The following FAM3C variants were observed in gnomAD, a reference collection of about 807,000 sequenced individuals.
FAM3C encodes the protein protein FAM3C.
In FAM3C, 15 loss-of-function variants were observed where a neutral mutation model predicts 32.5. That is an observed-to-expected ratio of 0.46 (90% CI 0.31 to 0.71). The LOEUF (loss-of-function observed/expected upper bound fraction) is 0.71. Among genes scored for constraint, FAM3C ranks in the 30% least tolerant of loss-of-function variants. The pLI is 0.05. For missense variants in FAM3C, 175 were observed against 274.4 expected (o/e 0.64, Z 2.56); for synonymous variants, 75 against 86.1 (o/e 0.87, Z 0.72).
intron 2 of FAM3C, among the ~76,000 whole-genome samples, chr7:121,382,676 C>T (rs781304280): frequency 2.7e-5 from 4 of 150,324 alleles, no homozygotes; most frequent in Non-Finnish European, 4.4e-5. Context: ...TGTGTTGCTG[C>T]TCATAAAGTT....
chr7:121,388,059 G>A (rs1182909286), intron 1 of FAM3C, among the ~76,000 whole-genome samples: 2 of 152,196 alleles, frequency 1.3e-5, no homozygotes, highest in African/African-American at 2.4e-5. Context: ...TAAAAACTCA[G>A]TAGGATATCT....
chr7:121,351,556 A>T, intron 8 of FAM3C: 1 of 295,586 alleles, frequency 3.4e-6, no homozygotes, highest in Non-Finnish European at 6.3e-6. Context: ...ACACTCATCA[A>T]ATAAATAAGG....
chr7:121,378,708 T>C (rs1034832459), intron 3 of FAM3C, among the ~76,000 whole-genome samples: 5 of 111,834 alleles, frequency 4.5e-5, no homozygotes, highest in Non-Finnish European at 7.6e-5. Context: ...GTTCAAAATG[T>C]TGAATAGAAG....
At chr7:121,393,825 T>C (rs1037557973) in intron 1 of FAM3C, among the ~76,000 whole-genome samples, 4 of 152,240 alleles carry the variant, frequency 2.6e-5, no homozygotes, top group African/African-American at 9.6e-5. Flanking sequence ...TTAAGTAATT[T>C]AGTCAATGCC....
chr7:121,377,465 T>A (rs1465651312), intron 3 of FAM3C, among the ~76,000 whole-genome samples: 1 of 152,206 alleles, frequency 6.6e-6, no homozygotes, highest in East Asian at 1.9e-4. Flanking sequence ...GACCAAAATA[T>A]GGTTTCTAGG....
At chr7:121,367,373 C>A (rs1392425828) in intron 5 of FAM3C, among the ~76,000 whole-genome samples, 1 of 152,174 alleles carries the variant, frequency 6.6e-6, no homozygotes, top group African/African-American at 2.4e-5. Flanking sequence ...ATCCTGCCAA[C>A]TGGTTTTTTG....
intron 1 of FAM3C, among the ~76,000 whole-genome samples, chr7:121,394,640 T>C (rs967712312): frequency 5.3e-5 from 8 of 152,228 alleles, no homozygotes; most frequent in South Asian, 2.1e-4. Context: ...CTAGTCTTTA[T>C]TGAGTTGAGA....
At chr7:121,358,944 A>C (rs1487154955) in intron 8 of FAM3C, among the ~76,000 whole-genome samples, 3 of 151,868 alleles carry the variant, frequency 2.0e-5, no homozygotes, top group African/African-American at 7.2e-5. Context: ...AGATAGGCCA[A>C]CTCGAATGGT....
intron 1 of FAM3C, among the ~76,000 whole-genome samples, chr7:121,389,882 A>G (rs1318160212): frequency 6.6e-6 from 1 of 152,162 alleles, no homozygotes; most frequent in Non-Finnish European, 1.5e-5. Flanking sequence ...TTCTGAACTG[A>G]GCCAGCAACA....
At chr7:121,360,265 A>C (rs1263707527) in intron 7 of FAM3C, 138 bp from the exon 8 acceptor site, 1 of 577,812 alleles carries the variant, frequency 1.7e-6, no homozygotes, top group Non-Finnish European at 3.1e-6. Flanking sequence ...AAGACAGACA[A>C]ATCTCATAAA....
chr7:121,384,950 GA>G (rs1402041460), intron 1 of FAM3C, among the ~76,000 whole-genome samples: 1 of 152,092 alleles, frequency 6.6e-6, no homozygotes, highest in African/African-American at 2.4e-5. Flanking sequence ...TGTCTTCTTA[GA>G]GGGGGCATGT....
Position 121,362,889 on chromosome 7 carries a change from A to G in FAM3C, c.382+8T>C, listed in dbSNP as rs1329929799. On this transcript the variant is annotated splice_region_variant and intron_variant, in intron 7 of 9. Coordinates refer to ENST00000359943, the MANE Select transcript of FAM3C (RefSeq NM_014888.3). The stretch of plus-strand genomic sequence containing the variant: ...GCAAAAGAACACAGTCATGTTATTT[A>G]TGCTTACCTCCTCCCCACATGTCAA... The G allele has an allele frequency of 2.7e-6, 4 of 1,506,774 alleles. No individual in the cohort carries two copies. In the African/African-American group the frequency reaches 4.1e-5, roughly 16 times the overall value. 93.3% of individuals were successfully genotyped at this position (1,506,774 alleles called of 1,614,324 possible).
intron 5 of FAM3C, among the ~76,000 whole-genome samples, chr7:121,370,525 T>C (rs1272701997): frequency 1.3e-5 from 2 of 152,216 alleles, no homozygotes; most frequent in Non-Finnish European, 2.9e-5. Flanking sequence ...TCTAGTTTTC[T>C]AGGCAATAGC....
In FAM3C at chr7:121,357,298, G is replaced by A. The variant is rs148994390; in HGVS notation, c.467+2745C>T. Reference sequence around the variant, plus strand: ...GCCACCCAACTTTCTCTCTTGGAAAGAGCAGGGACATTCAGTGTACGCACT... The same window carrying A: ...GCCACCCAACTTTCTCTCTTGGAAAAAGCAGGGACATTCAGTGTACGCACT... On this transcript the variant is annotated intron_variant, in intron 8 of 9. Transcript: ENST00000359943. Among the ~76,000 whole-genome samples, 221 of 152,256 alleles carry A rather than the reference G, an allele frequency of 1.5e-3. 1 individual carries two copies. The highest frequency in any genetic ancestry group is 5.0e-3 in the African/African-American group (209 of 41,542).
intron 5 of FAM3C, among the ~76,000 whole-genome samples, chr7:121,368,822 A>T (rs1056887022): frequency 6.6e-6 from 1 of 151,860 alleles, no homozygotes; most frequent in African/African-American, 2.4e-5. Flanking sequence ...AGATCTCAGA[A>T]TACACATCAC....
rs199653068 is a variant in FAM3C at position 121,362,500 on chromosome 7, T to TA, written c.382+396dup. Among the ~76,000 whole-genome samples the TA allele has an allele frequency of 3.0e-3, 452 of 151,534 alleles. 4 individuals are homozygous for TA. Among genetic ancestry groups the TA allele is most frequent in the Middle Eastern group, 0.01 (3 of 292 alleles). On this transcript the variant is annotated intron_variant, in intron 7 of 9. Transcript: ENST00000359943. Reference sequence around the variant, plus strand: ...ATTTTTGAGACTAAAAAATCACATTTAAAAAAAAATCAATTCCTATCACTT... The same window carrying TA: ...ATTTTTGAGACTAAAAAATCACATTTAAAAAAAAAATCAATTCCTATCACTT...
chr7:121,391,290 G>A (rs999142496), intron 1 of FAM3C, among the ~76,000 whole-genome samples: 6 of 152,110 alleles, frequency 3.9e-5, no homozygotes, highest in Admixed American at 6.5e-5. Flanking sequence ...TGTGATCTAA[G>A]CTACCTTAAT....
At chr7:121,374,859 G>A (rs1426782812) in intron 3 of FAM3C, among the ~76,000 whole-genome samples, 3 of 152,180 alleles carry the variant, frequency 2.0e-5, no homozygotes, top group East Asian at 1.9e-4. Flanking sequence ...GTAACTCAAC[G>A]TTTGTTCATA....
At chr7:121,383,421 T>C (rs1356587439) in intron 1 of FAM3C, among the ~76,000 whole-genome samples, 1 of 152,196 alleles carries the variant, frequency 6.6e-6, no homozygotes, top group African/African-American at 2.4e-5. Flanking sequence ...GGGGCTGGAA[T>C]TGAGGTCAGC....
Sources: gnomAD v4.1 joint callset for allele counts (sites outside exome capture counted in the v4.1 genomes callset) on GRCh38, gnomAD v4.1.1 for gene constraint, MANE v1.5 for transcripts, NCBI Gene and HGNC (gene_info 2026-07-23, HGNC 2026-07-21) for gene names.